Variants in PREX2 observed in about 807,000 individuals in gnomAD.
PREX2 encodes the protein phosphatidylinositol 3,4,5-trisphosphate-dependent Rac exchanger 2 protein.
In PREX2, 107 loss-of-function variants were observed where a neutral mutation model predicts 203.2. The ratio of observed to expected loss-of-function variants is 0.53; its 90% CI spans 0.45 to 0.62. The LOEUF (loss-of-function observed/expected upper bound fraction) is 0.62, where lower values mean the gene tolerates loss of function less well. PREX2 is among the 20% of genes least tolerant of loss of function. PREX2 has a pLI of 0.00. For missense variants in PREX2, 1,777 were observed against 1,955.9 expected (o/e 0.91, Z 1.72); for synonymous variants, 672 against 663.6 (o/e 1.01, Z -0.19).
chr8:68,026,975 C>G (rs547737439), intron 4 of PREX2, among the ~76,000 whole-genome samples: 4 of 152,176 alleles, frequency 2.6e-5, no homozygotes, highest in African/African-American at 9.6e-5. Flanking sequence ...ATCTCTTTTT[C>G]CTCAGACTTC....
chr8:68,188,611 C>T (rs1172408621), intron 35 of PREX2, among the ~76,000 whole-genome samples: 1 of 152,190 alleles, frequency 6.6e-6, no homozygotes, highest in African/African-American at 2.4e-5. Flanking sequence ...GGGGAGGCCT[C>T]ACAATCATGG....
intron 1 of PREX2, among the ~76,000 whole-genome samples, chr8:68,010,000 CT>C (rs1329684051): frequency 6.6e-6 from 1 of 152,208 alleles, no homozygotes; most frequent in Non-Finnish European, 1.5e-5. Context: ...TCTGACCAAA[CT>C]TCACTTGCAT....
intron 37 of PREX2, among the ~76,000 whole-genome samples, chr8:68,214,565 C>T (rs936052472): frequency 3.3e-5 from 5 of 152,200 alleles, no homozygotes; most frequent in African/African-American, 1.2e-4. Context: ...TTATGTACCA[C>T]TGAAAAACTG....
chr8:68,068,222 G>T (rs1410828333), intron 11 of PREX2, among the ~76,000 whole-genome samples: 1 of 151,910 alleles, frequency 6.6e-6, no homozygotes, highest in East Asian at 1.9e-4. Flanking sequence ...TTTTGGAAGT[G>T]TTCCTTTATC....
chr8:67,955,003 G>A (rs1805456277), intron 1 of PREX2, among the ~76,000 whole-genome samples: 1 of 151,826 alleles, frequency 6.6e-6, no homozygotes, highest in South Asian at 2.1e-4. Context: ...AATTAGCCGG[G>A]CGTGGTGGTG....
chr8:68,000,447 A>G (rs1585693256), intron 1 of PREX2, among the ~76,000 whole-genome samples: 1 of 152,186 alleles, frequency 6.6e-6, no homozygotes, highest in Admixed American at 6.5e-5. Context: ...AAAATCAGAG[A>G]TGACACAAAC....
intron 37 of PREX2, among the ~76,000 whole-genome samples, chr8:68,208,815 A>T (rs1181861493): frequency 1.3e-5 from 2 of 152,076 alleles, no homozygotes; most frequent in Non-Finnish European, 2.9e-5. Context: ...TGAGCTGGGC[A>T]TAGTGGCTCA....
At chr8:68,130,397 A>T (rs953490814) in intron 31 of PREX2, among the ~76,000 whole-genome samples, 2 of 152,152 alleles carry the variant, frequency 1.3e-5, no homozygotes, top group African/African-American at 4.8e-5. Context: ...AAAGAAAAAG[A>T]CCTGGATATT....
At chr8:68,102,842 T>C (rs1810300844) in intron 23 of PREX2, 3 of 518,504 alleles carry the variant, frequency 5.8e-6, no homozygotes, top group African/African-American at 3.8e-5. Context: ...TTTTGGCACA[T>C]GTGTGAAACC....
chr8:68,104,970 G>C (rs1810364842), intron 23 of PREX2, among the ~76,000 whole-genome samples: 1 of 151,986 alleles, frequency 6.6e-6, no homozygotes, highest in African/African-American at 2.4e-5. Context: ...TTTTTGTTTT[G>C]TTAACCTTTC....
chr8:68,150,551 AC>A (rs908866914), intron 34 of PREX2, among the ~76,000 whole-genome samples: 2 of 152,100 alleles, frequency 1.3e-5, no homozygotes, highest in Non-Finnish European at 1.5e-5. Context: ...ACTAAGAGGG[AC>A]CCCAGTAGAT....
At chr8:67,980,109 A>C (rs944927791) in intron 1 of PREX2, among the ~76,000 whole-genome samples, 2 of 152,216 alleles carry the variant, frequency 1.3e-5, no homozygotes, top group African/African-American at 2.4e-5. Flanking sequence ...AAGTTTTTCT[A>C]TGCAAAAGAG....
At chr8:68,180,192 C>T (rs1812058129) in intron 35 of PREX2, among the ~76,000 whole-genome samples, 1 of 152,094 alleles carries the variant, frequency 6.6e-6, no homozygotes, top group Non-Finnish European at 1.5e-5. Flanking sequence ...TTTTCTCACC[C>T]TTAAGATTCT....
intron 33 of PREX2, among the ~76,000 whole-genome samples, chr8:68,143,169 C>T (rs1349993569): frequency 6.6e-6 from 1 of 152,106 alleles, no homozygotes; most frequent in Non-Finnish European, 1.5e-5. Flanking sequence ...TTACCCAAAT[C>T]TCATGCTTAA....
At chr8:67,989,823 T>C (rs113248780) in intron 1 of PREX2, among the ~76,000 whole-genome samples, 6 of 152,228 alleles carry the variant, frequency 3.9e-5, no homozygotes, top group African/African-American at 1.4e-4. Context: ...TGAAGAAATG[T>C]CACATTTCTG....
At chr8:68,207,337 C>G (rs1030068274) in intron 37 of PREX2, among the ~76,000 whole-genome samples, 1 of 152,152 alleles carries the variant, frequency 6.6e-6, no homozygotes, top group African/African-American at 2.4e-5. Context: ...ATGCATTGAT[C>G]ACTTCCCAGA....
chr8:68,075,588 G>A (rs937053586), intron 14 of PREX2, among the ~76,000 whole-genome samples: 2 of 152,160 alleles, frequency 1.3e-5, no homozygotes, highest in Non-Finnish European at 2.9e-5. Context: ...TATTGGTAAA[G>A]TACTTACCTT....
At chr8:68,164,920 T>C (rs1313931063) in intron 35 of PREX2, among the ~76,000 whole-genome samples, 1 of 146,052 alleles carries the variant, frequency 6.8e-6, no homozygotes, top group Non-Finnish European at 1.5e-5. Context: ...GGCACTCTCC[T>C]GAGTAGCAAA....
chr8:68,185,541 C>T (rs1812172294), intron 35 of PREX2, among the ~76,000 whole-genome samples: 1 of 152,176 alleles, frequency 6.6e-6, no homozygotes, highest in Admixed American at 6.5e-5. Context: ...CCTTTAATTT[C>T]ACCTATCACT....
Sources: allele counts gnomAD v4.1 joint callset (sites outside exome capture counted in the v4.1 genomes callset), GRCh38; gene constraint gnomAD v4.1.1; transcripts MANE v1.5; gene names NCBI Gene and HGNC (gene_info 2026-07-23, HGNC 2026-07-21).